UNC5A: variants seen among roughly 807,000 people sequenced by gnomAD.
UNC5A encodes unc-5 netrin receptor A.
Under a neutral mutation model 87.4 loss-of-function variants are expected in UNC5A, and 20 were observed. The ratio of observed to expected loss-of-function variants is 0.23; its 90% CI spans 0.16 to 0.33. The LOEUF (loss-of-function observed/expected upper bound fraction) is 0.33. UNC5A is among the 10% of genes least tolerant of loss of function. UNC5A has a pLI of 1.00. For missense variants in UNC5A, 844 were observed against 1,133.4 expected, an observed-to-expected ratio of 0.74 and a Z score of 3.67; for synonymous variants, 438 against 482.3, an observed-to-expected ratio of 0.91 and a Z score of 1.20.
chr5:176,868,331 A>C, intron 3 of UNC5A, 58 bp downstream of exon 3: 1 of 1,599,454 alleles, frequency 6.3e-7, no homozygotes, highest in Non-Finnish European at 8.5e-7. Flanking sequence ...TCACCAGGAG[A>C]GGGGACAGTA....
At chr5:176,830,018 G>A (rs141741519) in intron 1 of UNC5A, among the ~76,000 whole-genome samples, 2,006 of 152,010 alleles carry the variant, frequency 0.013, 51 homozygotes, top group African/African-American at 0.047. Context: ...GGGATTAAAG[G>A]GGTGTGCCAC....
rs1343764938 is a variant in UNC5A, at chr5:176,866,963, G to A, written c.293-1167G>A. ...AAAAATCTGGACACCCAGTGTGAGA[G>A]CCCAGAGGCTTGTGAGGAGGGGTCT... On this transcript the variant is annotated intron_variant, in intron 2 of 14. Transcript: ENST00000329542. This position sits in a 1 kb window ranked among gnomAD's most constrained non-coding sequence, Gnocchi z 5.0. 6.6e-6 allele frequency among the ~76,000 whole-genome samples: 1 copy of A among 152,218 alleles called. No individual in the cohort carries two copies. The highest frequency in any genetic ancestry group is 1.5e-5 in the Non-Finnish European group (1 of 68,030).
chr5:176,846,898 G>C (rs187120528), intron 1 of UNC5A, among the ~76,000 whole-genome samples: 126 of 152,310 alleles, frequency 8.3e-4, no homozygotes, highest in Non-Finnish European at 1.4e-3. Context: ...CCTGTGGGCT[G>C]CTCTGAGAGG....
intron 1 of UNC5A, among the ~76,000 whole-genome samples, chr5:176,820,837 A>G (rs1756709688): frequency 6.6e-6 from 1 of 152,196 alleles, no homozygotes; most frequent in African/African-American, 2.4e-5. Context: ...TCCCAGCAGC[A>G]GGGCCCAGGT....
At chr5:176,851,273 T>C (rs1757535397) in intron 1 of UNC5A, among the ~76,000 whole-genome samples, 1 of 152,212 alleles carries the variant, frequency 6.6e-6, no homozygotes. Context: ...TCACCATGGC[T>C]GTCGTTGCTG....
chr5:176,873,262 G>A (rs1049725982), intron 6 of UNC5A, among the ~76,000 whole-genome samples: 2 of 152,062 alleles, frequency 1.3e-5, no homozygotes, highest in Non-Finnish European at 2.9e-5. Flanking sequence ...GGGAATGCCG[G>A]GCTTGTGAGG....
chr5:176,858,720 AG>A (rs1455228566), intron 1 of UNC5A, among the ~76,000 whole-genome samples: 9 of 85,720 alleles, frequency 1.0e-4, no homozygotes, highest in Non-Finnish European at 1.1e-4. Flanking sequence ...AAAGAGAGAG[AG>A]AGAAGGAAGG....
At chr5:176,851,247 TAAC>T (rs1329235162) in intron 1 of UNC5A, among the ~76,000 whole-genome samples, 1 of 152,220 alleles carries the variant, frequency 6.6e-6, no homozygotes, top group Admixed American at 6.5e-5. Context: ...GAGGGTTAAA[TAAC>T]ATCCTGTCAA....
intron 1 of UNC5A, among the ~76,000 whole-genome samples, chr5:176,850,777 A>G (rs1757522426): frequency 6.6e-6 from 1 of 152,146 alleles, no homozygotes; most frequent in Non-Finnish European, 1.5e-5. Context: ...GAGGGGTCCA[A>G]GCGGGCTCAT....
Position 176,868,277 on chromosome 5 carries a change from A to G in UNC5A, c.436+4A>G. On this transcript the variant is annotated splice_donor_region_variant and intron_variant, in intron 3 of 14. Transcript: ENST00000329542. The stretch of plus-strand genomic sequence containing the variant: ...AAGGCCTACATCCGCATAGCCTGTG[A>G]GTCTAGGGCTGGGCCCTGGGGGAGG... 6.2e-7 allele frequency: 1 copy of G among 1,612,746 alleles called. No individual in the cohort carries two copies. Among genetic ancestry groups the G allele is most frequent in the Non-Finnish European group, 8.5e-7 (1 of 1,179,736 alleles).
At chr5:176,832,165 G>A (rs1757047962) in intron 1 of UNC5A, among the ~76,000 whole-genome samples, 1 of 152,170 alleles carries the variant, frequency 6.6e-6, no homozygotes, top group African/African-American at 2.4e-5. Flanking sequence ...CCAAAGTGCT[G>A]GGATTGCAGG....
In UNC5A at chr5:176,868,651, T is replaced by A. The variant is rs1251668587; in HGVS notation, c.527T>A (p.Ile176Asn). Reference sequence around the variant, plus strand: ...CTGCCCTGCCGTCCACCGGAGGGCATCCCTCCAGCCGAGGTGAGGGCTCCT... The same window carrying A: ...CTGCCCTGCCGTCCACCGGAGGGCAACCCTCCAGCCGAGGTGAGGGCTCCT... Reference protein sequence around the residue: ...IVLPCRPPEGIPPAEVEWLRN... With the variant: ...IVLPCRPPEGNPPAEVEWLRN... Residue 176 changes from isoleucine (I) to asparagine (N), a missense_variant, in exon 4 of 15, where the codon ATC (isoleucine) becomes AAC (asparagine). By Grantham distance (149) the Ile-to-Asn change is moderately radical. Transcript: ENST00000329542. 6.2e-7 allele frequency: 1 copy of A among 1,604,308 alleles called. No individual in the cohort carries two copies. Among genetic ancestry groups the A allele is most frequent in the Admixed American group, 1.7e-5 (1 of 58,320 alleles).
At chr5:176,818,573 G>A (rs1466839181) in intron 1 of UNC5A, among the ~76,000 whole-genome samples, 3 of 152,200 alleles carry the variant, frequency 2.0e-5, no homozygotes, top group African/African-American at 7.2e-5. Flanking sequence ...GTCAGATGAG[G>A]ACACATATCA....
chr5:176,814,919 C>T (rs4976693), intron 1 of UNC5A, among the ~76,000 whole-genome samples: 1 of 152,196 alleles, frequency 6.6e-6, no homozygotes, highest in Admixed American at 6.5e-5. Context: ...ATCCCTGTCC[C>T]TGAACACGGA....
rs1757760197 is a variant in UNC5A, at chr5:176,859,149, A to ATGGCTGC, written c.71-3474_71-3473insGGCTGCT. Among the ~76,000 whole-genome samples the ATGGCTGC allele has an allele frequency of 6.1e-5, 7 of 115,352 alleles. 1 individual carries two copies. The East Asian group carries it at 9.0e-4, about 15-fold the overall frequency. The allele number at this position is 115,352 out of a possible 152,430, so 75.7% of individuals were successfully genotyped here. On this transcript the variant is annotated intron_variant, in intron 1 of 14. Transcript: ENST00000329542. ...TGCTAGAATGCCCTTGCTAGAGGGC[A>ATGGCTGC]TAGCTGCTACAATGTCCTTGCTAGA...
intron 1 of UNC5A, among the ~76,000 whole-genome samples, chr5:176,861,672 T>C (rs1284461259): frequency 1.3e-5 from 2 of 152,168 alleles, no homozygotes; most frequent in Non-Finnish European, 2.9e-5. Context: ...CAGGCAGCTG[T>C]CATCTCCATC....
chr5:176,832,976 C>T (rs1757063882), intron 1 of UNC5A, among the ~76,000 whole-genome samples: 1 of 152,200 alleles, frequency 6.6e-6, no homozygotes, highest in Non-Finnish European at 1.5e-5. Flanking sequence ...AAAGGAGGCT[C>T]ATGCCTTCTT....
Position 176,865,171 on chromosome 5 carries a change from A to AT in UNC5A, c.292+2326_292+2327insT, listed in dbSNP as rs775238010. Among the ~76,000 whole-genome samples, 10 of 152,124 alleles carry AT rather than the reference A, an allele frequency of 6.6e-5. No homozygotes were observed. Among genetic ancestry groups the AT allele is most frequent in the Non-Finnish European group, 1.0e-4 (7 of 68,008 alleles). ...CCGGGGCCCAGCGTCCCTTCAGCATAAGTTCTCCCACTGCTGTGGCAGGTC... is the reference window on the plus strand; with the variant it reads ...CCGGGGCCCAGCGTCCCTTCAGCATATAGTTCTCCCACTGCTGTGGCAGGTC... On this transcript the variant is annotated intron_variant, in intron 2 of 14. Coordinates refer to ENST00000329542, the MANE Select transcript of UNC5A (RefSeq NM_133369.3). The surrounding 1 kb of genome is among the most constrained non-coding windows in gnomAD (Gnocchi z 5.3).
intron 1 of UNC5A, among the ~76,000 whole-genome samples, chr5:176,817,359 G>C (rs1030688856): frequency 2.0e-5 from 3 of 152,182 alleles, no homozygotes; most frequent in Non-Finnish European, 4.4e-5. Context: ...TCCGGACCCT[G>C]CATCCCACCT....
Sources: allele counts gnomAD v4.1 joint callset (sites outside exome capture counted in the v4.1 genomes callset), GRCh38; gene constraint gnomAD v4.1.1; non-coding constraint Gnocchi (gnomAD v3.1); transcripts MANE v1.5; gene names NCBI Gene and HGNC (gene_info 2026-07-23, HGNC 2026-07-21).